Variants in ME3 observed in about 807,000 individuals in gnomAD.
ME3 encodes the protein malic enzyme 3, also known as NADP-dependent malic enzyme, mitochondrial.
Under a neutral mutation model 68.9 loss-of-function variants are expected in ME3, and 48 were observed. The observed-to-expected ratio is 0.70, with a 90% CI of 0.55 to 0.89. The LOEUF (loss-of-function observed/expected upper bound fraction) is 0.89. ME3 is among the 40% of genes least tolerant of loss of function. ME3 has a pLI of 0.00. For synonymous variants in ME3, 320 were observed against 318.8 expected, an observed-to-expected ratio of 1.00 and a Z score of -0.04; for missense variants, 675 against 797.4, an observed-to-expected ratio of 0.85 and a Z score of 1.85.
intron 14 of ME3, 54 bp from the exon 15 acceptor site, chr11:86,441,494 AG>A: frequency 6.7e-7 from 1 of 1,499,440 alleles, no homozygotes; most frequent in Non-Finnish European, 8.9e-7. Context: ...AACCTGCTTA[AG>A]GATCCTTGCT....
chr11:86,610,256 T>TA (rs1275320719), intron 2 of ME3, among the ~76,000 whole-genome samples: 1 of 152,140 alleles, frequency 6.6e-6, no homozygotes, highest in African/African-American at 2.4e-5. Flanking sequence ...ATGTTTCATT[T>TA]AAAAAACTAG....
intron 7 of ME3, among the ~76,000 whole-genome samples, chr11:86,469,108 T>C (rs1950645342): frequency 6.6e-6 from 1 of 152,092 alleles, no homozygotes; most frequent in African/African-American, 2.4e-5. Context: ...TCTTTCTCCA[T>C]TGGGAAAGAT....
intron 2 of ME3, among the ~76,000 whole-genome samples, chr11:86,586,126 G>A (rs779103539): frequency 2.2e-4 from 34 of 152,198 alleles, no homozygotes; most frequent in Non-Finnish European, 4.3e-4. Flanking sequence ...ACTAAAGGGG[G>A]TGGTTTAAGG....
intron 2 of ME3, among the ~76,000 whole-genome samples, chr11:86,665,300 G>A (rs1439400350): frequency 1.3e-5 from 2 of 152,154 alleles, no homozygotes; most frequent in East Asian, 3.8e-4. Flanking sequence ...TGTGTAGGGG[G>A]AGCAAGAAGG....
intron 2 of ME3, among the ~76,000 whole-genome samples, chr11:86,578,089 C>T (rs563804946): frequency 3.9e-5 from 6 of 152,234 alleles, no homozygotes; most frequent in Non-Finnish European, 7.4e-5. Context: ...TTGTCCATCC[C>T]GACCGAACAA....
intron 4 of ME3, among the ~76,000 whole-genome samples, chr11:86,538,951 T>G (rs943617602): frequency 6.6e-6 from 1 of 152,180 alleles, no homozygotes; most frequent in African/African-American, 2.4e-5. Context: ...CCCTCACATT[T>G]CTTTGACCAG....
At chr11:86,536,771 C>G (rs28824521) in intron 4 of ME3, among the ~76,000 whole-genome samples, 7 of 151,586 alleles carry the variant, frequency 4.6e-5, no homozygotes, top group African/African-American at 7.3e-5. Flanking sequence ...TTTGACCCAG[C>G]CATCCCATTA....
chr11:86,544,124 C>T (rs549112024), intron 4 of ME3, among the ~76,000 whole-genome samples: 60 of 152,226 alleles, frequency 3.9e-4, no homozygotes, highest in Middle Eastern at 3.4e-3. Flanking sequence ...AAAGACACAA[C>T]GTACCAGAAT....
chr11:86,508,993 G>A (rs930205301), intron 4 of ME3, 126 bp from the exon 5 acceptor site: 2 of 729,750 alleles, frequency 2.7e-6, no homozygotes, highest in African/African-American at 3.5e-5. Context: ...AAAGATTCCT[G>A]CCCGAGGCCC....
chr11:86,645,521 C>T (rs1234468267), intron 2 of ME3, among the ~76,000 whole-genome samples: 1 of 152,198 alleles, frequency 6.6e-6, no homozygotes, highest in Admixed American at 6.5e-5. Flanking sequence ...TTGGGCAGGG[C>T]ATCTCTGAGA....
chr11:86,446,142 A>G (rs1949273028), intron 13 of ME3, among the ~76,000 whole-genome samples, 172 bp downstream of exon 13: 1 of 152,208 alleles, frequency 6.6e-6, no homozygotes, highest in Non-Finnish European at 1.5e-5. Context: ...GTGTGATTGA[A>G]GAAGTCAAGC....
intron 8 of ME3, among the ~76,000 whole-genome samples, chr11:86,456,508 CA>C (rs1322873697): frequency 1.3e-5 from 2 of 152,066 alleles, no homozygotes; most frequent in Non-Finnish European, 2.9e-5. Flanking sequence ...GTCAGTCACC[CA>C]AAGCAAGGAA....
At chr11:86,436,572 C>G (rs1383799485), downstream of ME3, 1 of 152,018 alleles carries the variant, frequency 6.6e-6, no homozygotes, top group African/African-American at 2.4e-5. Flanking sequence ...TCAGAACTCT[C>G]CTCAACCTAA....
intron 2 of ME3, among the ~76,000 whole-genome samples, chr11:86,659,723 T>C (rs907588858): frequency 6.6e-6 from 1 of 152,150 alleles, no homozygotes; most frequent in African/African-American, 2.4e-5. Context: ...TGAAACAACA[T>C]TTTAACTTTT....
At chr11:86,639,669 A>C (rs1369398357) in intron 2 of ME3, among the ~76,000 whole-genome samples, 4 of 152,058 alleles carry the variant, frequency 2.6e-5, no homozygotes, top group African/African-American at 9.7e-5. Context: ...GATCTTGATG[A>C]TATCTGGAGC....
At chr11:86,600,035 A>G (rs1960320395) in intron 2 of ME3, among the ~76,000 whole-genome samples, 1 of 148,570 alleles carries the variant, frequency 6.7e-6, no homozygotes, top group African/African-American at 2.5e-5. Context: ...AAGAAACTGC[A>G]TCAACTAATG....
chr11:86,576,018 C>A (rs1171573399), intron 2 of ME3, among the ~76,000 whole-genome samples: 1 of 152,196 alleles, frequency 6.6e-6, no homozygotes, highest in Non-Finnish European at 1.5e-5. Flanking sequence ...TCATTCAACT[C>A]TTGAACAGAA....
chr11:86,477,466 GTTA>G (rs34493285), intron 7 of ME3, among the ~76,000 whole-genome samples: 44,225 of 151,848 alleles, frequency 0.29, 6,859 homozygotes, highest in Non-Finnish European at 0.33. Context: ...ATAATTAAGA[GTTA>G]TTATTGTTAT....
intron 7 of ME3, among the ~76,000 whole-genome samples, chr11:86,475,908 A>AAGAG (rs1277347481): frequency 1.6e-5 from 2 of 126,828 alleles, no homozygotes; most frequent in Non-Finnish European, 3.4e-5. Flanking sequence ...GAGAAAGAGA[A>AAGAG]AGAGAGAGAG....
Sources: gnomAD v4.1 joint callset for allele counts (sites outside exome capture counted in the v4.1 genomes callset) on GRCh38, gnomAD v4.1.1 for gene constraint, MANE v1.5 for transcripts, NCBI Gene and HGNC (gene_info 2026-07-23, HGNC 2026-07-21) for gene names.